The following CCDC74A variants were observed in gnomAD, a reference collection of about 807,000 sequenced individuals.
CCDC74A encodes coiled-coil domain containing 74A, also known as coiled-coil domain-containing protein 74A.
Under a neutral mutation model 37.6 loss-of-function variants are expected in CCDC74A, and 38 were observed. The observed-to-expected ratio is 1.01, with a 90% confidence interval of 0.78 to 1.33. The LOEUF (loss-of-function observed/expected upper bound fraction) is 1.33. Ranked by LOEUF, CCDC74A falls within the 40% of genes most tolerant of loss-of-function variation. The probability of loss-of-function intolerance (pLI) is 0.00; values close to 1 mark genes in which losing one functional copy is unlikely to be tolerated. For missense variants in CCDC74A, 340 were observed against 403.4 expected (o/e 0.84, Z 1.35); for synonymous variants, 134 against 165.2 (o/e 0.81, Z 1.45).
At position 131,533,413 on chromosome 2, in the gene CCDC74A, G is replaced by T. The variant is rs767643486; in HGVS notation, c.*15G>T. 1 of 1,613,090 alleles carries T rather than the reference G, an allele frequency of 6.2e-7. No individual in the cohort carries two copies. Among genetic ancestry groups the T allele is most frequent in the South Asian group, 1.1e-5 (1 of 91,050 alleles). ...CAGTGCTTTGAGCCACCCCAATCTGGTCAGTGCCAGGCCCACCAACCTGCA... is the reference window on the plus strand; with the variant it reads ...CAGTGCTTTGAGCCACCCCAATCTGTTCAGTGCCAGGCCCACCAACCTGCA... On this transcript the variant is annotated 3_prime_UTR_variant, in exon 8 of 8. Transcript: ENST00000409856.
chr2:131,523,091 A>G (rs1323096566), upstream of CCDC74A, among the ~76,000 whole-genome samples: 1 of 152,136 alleles, frequency 6.6e-6, no homozygotes, highest in Non-Finnish European at 1.5e-5. Flanking sequence ...TTTTTTGTAG[A>G]GACGGGGTCT....
intron 1 of CCDC74A, chr2:131,528,522 T>C (rs777780246): frequency 2.7e-5 from 37 of 1,377,802 alleles, no homozygotes; most frequent in South Asian, 2.4e-4. Context: ...AAAAACTTTA[T>C]AGAGGGGCCC....
chr2:131,532,647 C>T lies in CCDC74A; in HGVS notation c.544C>T (p.Gln182Ter), dbSNP rs1488169761. 1 of 1,611,796 alleles carries T rather than the reference C, an allele frequency of 6.2e-7. No individual in the cohort carries two copies. Among genetic ancestry groups the T allele is most frequent in the Non-Finnish European group, 8.5e-7 (1 of 1,178,916 alleles). ...TGCCTGTATGGGGAACAGCCAGCACCAGGGCAGGCAGATGGGGGCGGGGGC... is the reference window on the plus strand; with the variant it reads ...TGCCTGTATGGGGAACAGCCAGCACTAGGGCAGGCAGATGGGGGCGGGGGC... ...GAACMGNSQH[Q>*]GRQMGAGAHP... Residue 182 changes from glutamine to a stop codon, truncating the protein, a stop_gained, in exon 5 of 8, where the codon CAG becomes TAG. Transcript: ENST00000409856. LOFTEE classifies it high-confidence loss of function.
upstream of CCDC74A, among the ~76,000 whole-genome samples, chr2:131,524,886 C>CAAAAAAAAA (rs57589680): frequency 3.1e-5 from 3 of 98,276 alleles, no homozygotes; most frequent in African/African-American, 4.1e-5. Flanking sequence ...CATAGTAAGA[C>CAAAAAAAAA]AAAAAAAAAA....
intron 1 of CCDC74A, chr2:131,529,305 C>T: frequency 2.0e-6 from 1 of 509,858 alleles, no homozygotes; most frequent in South Asian, 2.2e-5. Flanking sequence ...GTCCCTGATC[C>T]CCACGGGATC....
intron 2 of CCDC74A, chr2:131,530,028 G>T: frequency 1.9e-6 from 3 of 1,550,346 alleles, no homozygotes; most frequent in Non-Finnish European, 2.6e-6. Flanking sequence ...CTTTGCCTCA[G>T]ATTGCTGCTG....
chr2:131,524,761 C>T (rs1188284099), upstream of CCDC74A, among the ~76,000 whole-genome samples: 3 of 151,732 alleles, frequency 2.0e-5, no homozygotes, highest in Non-Finnish European at 4.4e-5. Context: ...AGGACTAGGA[C>T]ATTCAAAAGC....
Position 131,530,765 on chromosome 2 carries a change from G to C in CCDC74A, c.296-12G>C. On this transcript the variant is annotated splice_polypyrimidine_tract_variant and intron_variant, in intron 2 of 7. Transcript: ENST00000409856. ...GCGGGCGGTAGCGCCGACACTGTGC[G>C]CTCTCCTGCAGACAGCCTCTCCATG... is the stretch of plus-strand genomic sequence containing the variant. 1.2e-6 allele frequency: 2 copies of C among 1,612,656 alleles called. No individual in the cohort carries two copies. The highest frequency in any genetic ancestry group is 1.7e-6 in the Non-Finnish European group (2 of 1,179,734).
chr2:131,525,959 C>G (rs1402477633), upstream of CCDC74A, among the ~76,000 whole-genome samples: 1 of 150,134 alleles, frequency 6.7e-6, no homozygotes, highest in Non-Finnish European at 1.5e-5. Flanking sequence ...ACCTCGTGAT[C>G]CGCCCGCCTC....
intron 1 of CCDC74A, chr2:131,529,310 G>A (rs1169052941): frequency 7.1e-5 from 37 of 520,300 alleles, no homozygotes; most frequent in Non-Finnish European, 1.1e-4. Context: ...TGATCCCCAC[G>A]GGATCATGAC....
chr2:131,529,682 C>A lies in CCDC74A; in HGVS notation c.286C>A (p.Gln96Lys), dbSNP rs766993815. 2.6e-5 allele frequency: 42 copies of A among 1,613,890 alleles called. No homozygotes were observed. The East Asian group carries it at 8.5e-4, about 33-fold the overall frequency. ...HYKLIMNQTS[Q>K]KKDSLSMSSF... ...CAAGCTCATAATGAATCAGACATCA[C>A]AGAAGAAAGGTGAGAACTGGGCCCT... The change falls in exon 2 of 8, where the codon CAG becomes AAG. Residue 96 changes from glutamine to lysine, a missense_variant. Physicochemically the swap from Gln to Lys is moderately conservative, Grantham distance 53. This residue lies in a region of CCDC74A where 154 missense variants were observed against 153.9 expected (regional missense o/e 1.00). Transcript: ENST00000409856.
chr2:131,533,221 C>T (rs762924700), intron 7 of CCDC74A, 48 bp from the exon 8 acceptor site: 2 of 1,610,746 alleles, frequency 1.2e-6, no homozygotes, highest in Non-Finnish European at 1.7e-6. Context: ...TCCCCACACA[C>T]TCCACTCCCG....
intron 4 of CCDC74A, 36 bp from the exon 5 acceptor site, chr2:131,532,553 G>A (rs1681531369): frequency 6.6e-7 from 1 of 1,522,802 alleles, no homozygotes; most frequent in East Asian, 2.3e-5. Flanking sequence ...ACGCACCTGG[G>A]CAGGTCACCT....
At position 131,532,844 on chromosome 2, in the gene CCDC74A, C is replaced by T. The variant is rs752658649; in HGVS notation, c.679-20C>T. The T allele has an allele frequency of 1.1e-5, 17 of 1,612,568 alleles. No individual in the cohort carries two copies. Among genetic ancestry groups the T allele is most frequent in the Non-Finnish European group, 1.4e-5 (16 of 1,179,180 alleles). On this transcript the variant is annotated intron_variant, in intron 5 of 7. Coordinates refer to ENST00000409856, the MANE Select transcript of CCDC74A (RefSeq NM_001258306.3). ...TGGCACCGCCACAGGCCCCACCATG[C>T]CCCTGCCCCTGCCTTTCAGCTGCGG...
At chr2:131,525,206 C>A (rs958657643), upstream of CCDC74A, among the ~76,000 whole-genome samples, 10 of 152,206 alleles carry the variant, frequency 6.6e-5, no homozygotes, top group African/African-American at 2.4e-4. Flanking sequence ...TTAATTTATT[C>A]CTTCTCTAAT....
At chr2:131,525,711 CTTTTTTTTT>C (rs58721770), upstream of CCDC74A, among the ~76,000 whole-genome samples, 5 of 63,456 alleles carry the variant, frequency 7.9e-5, no homozygotes, top group South Asian at 6.3e-4. Flanking sequence ...CTATGCCTGC[CTTTTTTTTT>C]TTTTTTTTTT....
chr2:131,532,851 C>A lies in CCDC74A; in HGVS notation c.679-13C>A. ...GCCACAGGCCCCACCATGCCCCTGC[C>A]CCTGCCTTTCAGCTGCGGCACCTCA... On this transcript the variant is annotated splice_polypyrimidine_tract_variant and intron_variant, in intron 5 of 7. Coordinates refer to ENST00000409856, the MANE Select transcript of CCDC74A (RefSeq NM_001258306.3). 6.2e-7 allele frequency: 1 copy of A among 1,613,286 alleles called. No homozygotes were observed. Among genetic ancestry groups the A allele is most frequent in the Non-Finnish European group, 8.5e-7 (1 of 1,179,608 alleles).
At chr2:131,526,649 GT>G (rs1221379231), upstream of CCDC74A, among the ~76,000 whole-genome samples, 2 of 152,154 alleles carry the variant, frequency 1.3e-5, no homozygotes, top group Non-Finnish European at 2.9e-5. Context: ...AAACTGTGTT[GT>G]TTTTTATTAT....
chr2:131,530,978 G>A, intron 3 of CCDC74A, 151 bp downstream of exon 3: 2 of 1,257,332 alleles, frequency 1.6e-6, no homozygotes, highest in Non-Finnish European at 1.1e-6. Context: ...AGCCCTGCAA[G>A]CTGAAGCCAC....
Sources: gnomAD v4.1 joint callset for allele counts (sites outside exome capture counted in the v4.1 genomes callset) on GRCh38, gnomAD v4.1.1 for gene constraint, gnomAD v4.1.1 regional missense constraint, MANE v1.5 for transcripts, NCBI Gene and HGNC (gene_info 2026-07-23, HGNC 2026-07-21) for gene names.